Variants in HS6ST3 observed in about 807,000 individuals in gnomAD.
HS6ST3 encodes heparan sulfate 6-O-sulfotransferase 3, also known as heparan-sulfate 6-O-sulfotransferase 3.
In HS6ST3, 12 loss-of-function variants were observed where a neutral mutation model predicts 36.7. The ratio of observed to expected loss-of-function variants is 0.33; its 90% CI spans 0.21 to 0.53. The LOEUF is 0.53. Ranked by LOEUF, HS6ST3 falls within the 20% of genes least tolerant of loss-of-function variation. The pLI is 0.95. For synonymous variants in HS6ST3, 240 were observed against 257.5 expected (o/e 0.93, Z 0.65); for missense variants, 584 against 640.9 (o/e 0.91, Z 0.96).
chr13:96,145,764 T>G (rs1317260922), intron 1 of HS6ST3, among the ~76,000 whole-genome samples: 1 of 152,316 alleles, frequency 6.6e-6, no homozygotes, highest in African/African-American at 2.4e-5. Context: ...CTAGGTTTTC[T>G]TCTAGGGTTT....
At chr13:96,263,088 AT>A (rs1418212693) in intron 1 of HS6ST3, among the ~76,000 whole-genome samples, 1 of 152,206 alleles carries the variant, frequency 6.6e-6, no homozygotes, top group East Asian at 1.9e-4. Context: ...AGGTACCATG[AT>A]TTTGAAGTAA....
chr13:96,247,185 C>T (rs957456447), intron 1 of HS6ST3, among the ~76,000 whole-genome samples: 6 of 151,808 alleles, frequency 4.0e-5, no homozygotes, highest in Admixed American at 3.3e-4. Flanking sequence ...CATCCTGGAC[C>T]CCAGAACACC....
chr13:96,395,219 G>A (rs1045697824), intron 1 of HS6ST3, among the ~76,000 whole-genome samples: 14 of 152,210 alleles, frequency 9.2e-5, no homozygotes, highest in African/African-American at 3.4e-4. Flanking sequence ...AATTTTTATA[G>A]TACTACTAGA....
chr13:96,751,329 A>G (rs1876694874), intron 1 of HS6ST3, among the ~76,000 whole-genome samples: 2 of 152,146 alleles, frequency 1.3e-5, no homozygotes, highest in Admixed American at 1.3e-4. Flanking sequence ...GAAAGAAACT[A>G]GAGAGACCCA....
At chr13:96,575,492 T>C (rs962098999) in intron 1 of HS6ST3, among the ~76,000 whole-genome samples, 2 of 152,184 alleles carry the variant, frequency 1.3e-5, no homozygotes, top group African/African-American at 4.8e-5. Flanking sequence ...CAGGCAGACA[T>C]CTTGAGGGAC....
chr13:96,134,889 A>G (rs1265556563), intron 1 of HS6ST3, among the ~76,000 whole-genome samples: 1 of 152,122 alleles, frequency 6.6e-6, no homozygotes, highest in Non-Finnish European at 1.5e-5. Flanking sequence ...GGCATATTTT[A>G]TATTAGAATT....
chr13:96,151,255 T>G (rs1482391914), intron 1 of HS6ST3, among the ~76,000 whole-genome samples: 1 of 152,002 alleles, frequency 6.6e-6, no homozygotes, highest in East Asian at 1.9e-4. Flanking sequence ...AATACAAAAA[T>G]TAGCTGGGTG....
chr13:96,124,204 A>G (rs189406092), intron 1 of HS6ST3, among the ~76,000 whole-genome samples: 1 of 152,298 alleles, frequency 6.6e-6, no homozygotes, highest in Admixed American at 6.5e-5. Flanking sequence ...TCTTGATGGC[A>G]ATTTCTAGCC....
rs531733775 is a variant in HS6ST3 at position 96,220,243 on chromosome 13, A to G, written c.707+128674A>G. ...ATTTGTCATCCTTTCCATGCAGATAATAAATCTGATATTAGATGTATTTGA... is the reference window on the plus strand; with the variant it reads ...ATTTGTCATCCTTTCCATGCAGATAGTAAATCTGATATTAGATGTATTTGA... On this transcript the variant is annotated intron_variant, in intron 1 of 1. Transcript: ENST00000376705. Among the ~76,000 whole-genome samples the G allele has an allele frequency of 3.3e-5, 5 of 152,366 alleles. No homozygotes were observed. In the South Asian group the frequency reaches 8.3e-4, roughly 25 times the overall value.
chr13:96,574,855 T>C (rs1399269704), intron 1 of HS6ST3, among the ~76,000 whole-genome samples: 2 of 152,168 alleles, frequency 1.3e-5, no homozygotes, highest in African/African-American at 4.8e-5. Context: ...CCACGAGGGT[T>C]GAACACACAC....
At chr13:96,207,787 G>A (rs571427625) in intron 1 of HS6ST3, among the ~76,000 whole-genome samples, 1 of 152,230 alleles carries the variant, frequency 6.6e-6, no homozygotes, top group Non-Finnish European at 1.5e-5. Flanking sequence ...AGAATGCATG[G>A]GCACGTGGTT....
chr13:96,826,978 A>G (rs931492755), intron 1 of HS6ST3, among the ~76,000 whole-genome samples: 7 of 152,176 alleles, frequency 4.6e-5, no homozygotes, highest in Non-Finnish European at 1.0e-4. Flanking sequence ...TTCTTAAATG[A>G]ATTCACCCAA....
rs34000071 is a variant in HS6ST3 at position 96,689,606 on chromosome 13, CT to C, written c.708-142868del. 8.1e-4 allele frequency among the ~76,000 whole-genome samples: 82 copies of C among 101,216 alleles called. 2 individuals carry two copies. Among genetic ancestry groups the C allele is most frequent in the African/African-American group, 1.3e-3 (33 of 25,630 alleles). The allele number at this position is 101,216 out of a possible 152,430, so 66.4% of individuals were successfully genotyped here. A position where few individuals can be genotyped will look rare whatever the true frequency, so the allele number is the denominator to read the frequency against. On this transcript the variant is annotated intron_variant, in intron 1 of 1. Transcript: ENST00000376705. ...TTTGTAGTTTTTGCTTTCTTTCTTT[CT>C]TTTTTTTTTTTTTTTGGTGATTGTA...
chr13:96,612,557 A>G (rs1330219345), intron 1 of HS6ST3, among the ~76,000 whole-genome samples: 1 of 152,096 alleles, frequency 6.6e-6, no homozygotes, highest in Non-Finnish European at 1.5e-5. Context: ...GCATCTAATA[A>G]ATGTCTGAAA....
chr13:96,536,905 C>T (rs940139181), intron 1 of HS6ST3, among the ~76,000 whole-genome samples: 1 of 152,196 alleles, frequency 6.6e-6, no homozygotes, highest in Admixed American at 6.5e-5. Flanking sequence ...CCTACCTATA[C>T]AGGTGGTCCA....
intron 1 of HS6ST3, among the ~76,000 whole-genome samples, chr13:96,315,457 ACT>A (rs985478447): frequency 7.2e-5 from 11 of 152,188 alleles, no homozygotes; most frequent in Admixed American, 6.5e-4. Context: ...TAGAACAATA[ACT>A]CTGGTACAAG....
chr13:96,260,454 G>A (rs1566304459), intron 1 of HS6ST3, among the ~76,000 whole-genome samples: 1 of 151,536 alleles, frequency 6.6e-6, no homozygotes, highest in Non-Finnish European at 1.5e-5. Flanking sequence ...TGGGACTACA[G>A]GTGCCCACCA....
At chr13:96,520,607 CT>C (rs1215857359) in intron 1 of HS6ST3, among the ~76,000 whole-genome samples, 2 of 152,130 alleles carry the variant, frequency 1.3e-5, no homozygotes, top group African/African-American at 4.8e-5. Context: ...ATTTTATTCT[CT>C]CAGTAGCAAT....
At chr13:96,391,661 G>A (rs2055396298) in intron 1 of HS6ST3, among the ~76,000 whole-genome samples, 1 of 152,164 alleles carries the variant, frequency 6.6e-6, no homozygotes. Flanking sequence ...GGAGGAGCAA[G>A]TCACGTATTA....
Sources: allele counts gnomAD v4.1 joint callset (sites outside exome capture counted in the v4.1 genomes callset), GRCh38; gene constraint gnomAD v4.1.1; transcripts MANE v1.5; gene names NCBI Gene and HGNC (gene_info 2026-07-23, HGNC 2026-07-21).